ICE1: variants seen among roughly 807,000 people sequenced by gnomAD.
ICE1 encodes little elongation complex subunit 1.
ICE1 carries 64 observed loss-of-function variants against 192.7 expected under a neutral mutation model. The observed-to-expected ratio is 0.33, with a 90% CI of 0.27 to 0.41. The LOEUF is 0.41. Among genes scored for constraint, ICE1 ranks in the 10% least tolerant of loss-of-function variants. ICE1 has a pLI of 1.00. For missense variants in ICE1, 2,708 were observed against 2,696.0 expected (o/e 1.00, Z -0.10); for synonymous variants, 1,010 against 984.5 (o/e 1.03, Z -0.49).
Position 5,462,347 on chromosome 5 carries a change from G to A in ICE1, c.3013G>A (p.Ala1005Thr), listed in dbSNP as rs763400046. 4 of 1,614,036 alleles carry A rather than the reference G, an allele frequency of 2.5e-6. No homozygotes were observed. The highest frequency in any genetic ancestry group is 3.3e-5 in the Admixed American group (2 of 60,034). The part of the protein sequence containing the change: ...SGTHGSEMLP[A>T]TEVTVSGGFS... Reference sequence around the variant, plus strand: ...GACACATGGCAGTGAGATGCTTCCAGCCACAGAAGTGACTGTGTCAGGAGG... The same window carrying A: ...GACACATGGCAGTGAGATGCTTCCAACCACAGAAGTGACTGTGTCAGGAGG... Residue 1005 changes from alanine (A) to threonine (T), a missense_variant, in exon 13 of 19, where the codon GCC becomes ACC. Physicochemically the swap from Ala to Thr is moderately conservative, Grantham distance 58 (BLOSUM62 0). Coordinates refer to ENST00000296564, the MANE Select transcript of ICE1 (RefSeq NM_015325.3).
rs772425245 is a variant in ICE1, at chr5:5,461,455, C to T, written c.2121C>T (p.Ser707=). 64 of 1,613,836 alleles carry T rather than the reference C, an allele frequency of 4.0e-5. No individual in the cohort carries two copies. The highest frequency in any genetic ancestry group is 3.6e-5 in the Non-Finnish European group (43 of 1,179,894). The part of the protein sequence containing the change: ...NNLENSLCAL[S]PELGASNFND... ...TGGAGAATAGCTTGTGTGCCTTGAGCCCTGAATTGGGAGCATCTAATTTTA... is the reference window on the plus strand; with the variant it reads ...TGGAGAATAGCTTGTGTGCCTTGAGTCCTGAATTGGGAGCATCTAATTTTA... The change falls in exon 13 of 19, where the codon AGC becomes AGT. Residue 707 remains serine (S), a synonymous_variant. Transcript: ENST00000296564.
rs1216572004 is a variant in ICE1 at position 5,477,028 on chromosome 5, T to C, written c.6520+949T>C. 3.9e-5 allele frequency among the ~76,000 whole-genome samples: 6 copies of C among 152,316 alleles called. No individual in the cohort carries two copies. The East Asian group carries it at 1.2e-3, about 29-fold the overall frequency. On this transcript the variant is annotated intron_variant, in intron 17 of 18. Coordinates refer to ENST00000296564, the MANE Select transcript of ICE1 (RefSeq NM_015325.3). ...TGCTACAAATCGTTAGTTTTTATTT[T>C]TACTTATCTCCTATGAATCTTTATT...
rs769115570 is a variant in ICE1, at chr5:5,461,963, C to T, written c.2629C>T (p.His877Tyr). 6.2e-7 allele frequency: 1 copy of T among 1,613,930 alleles called. No homozygotes were observed. Residue 877 changes from histidine (H) to tyrosine (Y), a missense_variant, in exon 13 of 19, where the codon CAC becomes TAC. By Grantham distance (83) the His-to-Tyr change is moderately conservative (BLOSUM62 2). Transcript: ENST00000296564. Reference protein sequence around the residue: ...PEKVQSAKLEHLRPHRVEPTL... With the variant: ...PEKVQSAKLEYLRPHRVEPTL... Reference sequence around the variant, plus strand: ...AAAGGTTCAGAGTGCCAAATTGGAACACTTGAGGCCACATAGGGTTGAGCC... The same window carrying T: ...AAAGGTTCAGAGTGCCAAATTGGAATACTTGAGGCCACATAGGGTTGAGCC...
In ICE1 at chr5:5,468,908, A is replaced by G. The variant is rs1169073105; in HGVS notation, c.6142A>G (p.Lys2048Glu). Reference protein sequence around the residue: ...DIFLSQSVINKAMQLVARQRA... With the variant: ...DIFLSQSVINEAMQLVARQRA... ...ATTTCTCTCTCAATCGGTGATTAAT[A>G]AAGCAATGCAGTTAGTTGCCAGGCA... The change falls in exon 15 of 19, where the codon AAA (lysine) becomes GAA (glutamate). Residue 2048 changes from lysine to glutamate, a missense_variant. Transcript: ENST00000296564. 2.5e-6 allele frequency: 4 copies of G among 1,607,488 alleles called. No individual in the cohort carries two copies. Among genetic ancestry groups the G allele is most frequent in the Non-Finnish European group, 3.4e-6 (4 of 1,177,290 alleles).
Position 5,435,657 on chromosome 5 carries a change from GTTT to G in ICE1, c.85-748_85-746del, listed in dbSNP as rs869296400. ...AGCGGTAATTTAGAGCCAAATTTGT[GTTT>G]TTTTTTTTTTTTGTTTTGTTTTTGT... is the stretch of plus-strand genomic sequence containing the variant. On this transcript the variant is annotated intron_variant, in intron 1 of 18. Transcript: ENST00000296564. Among the ~76,000 whole-genome samples, 777 of 114,276 alleles carry G rather than the reference GTTT, an allele frequency of 6.8e-3. 7 individuals carry two copies. Among genetic ancestry groups the G allele is most frequent in the East Asian group, 0.034 (131 of 3,864 alleles). 75.0% of individuals were successfully genotyped at this position (114,276 alleles called of 152,430 possible). A position where few individuals can be genotyped will look rare whatever the true frequency, so the allele number is the denominator to read the frequency against.
intron 11 of ICE1, 78 bp from the exon 12 acceptor site, chr5:5,457,254 G>GTTTC: frequency 7.4e-7 from 1 of 1,348,958 alleles, no homozygotes; most frequent in Non-Finnish European, 9.9e-7. Context: ...TTGTAATAAG[G>GTTTC]TTTCTTTCTT....
Position 5,448,490 on chromosome 5 carries a change from C to T in ICE1, c.604+593C>T, listed in dbSNP as rs868090219. On this transcript the variant is annotated intron_variant, in intron 10 of 18. Transcript: ENST00000296564. ...AATGAGAATTTTCACTTCCATCCTT[C>T]CATTTGTTGTGTGACTCTGCCATTT... 3.3e-5 allele frequency among the ~76,000 whole-genome samples: 5 copies of T among 152,134 alleles called. No homozygotes were observed. The South Asian group carries it at 8.3e-4, about 25-fold the overall frequency.
intron 10 of ICE1, among the ~76,000 whole-genome samples, chr5:5,448,373 C>T (rs13358701): frequency 0.057 from 8,659 of 152,054 alleles, 805 homozygotes; most frequent in African/African-American, 0.2. Context: ...GTGGTGGTCA[C>T]GGAACAAGGG....
At chr5:5,435,684 G>GTT (rs907007879) in intron 1 of ICE1, among the ~76,000 whole-genome samples, 4 of 116,630 alleles carry the variant, frequency 3.4e-5, no homozygotes, top group Non-Finnish European at 5.3e-5. Context: ...TTTTGTTTTT[G>GTT]TTTTTTTTTT....
intron 1 of ICE1, among the ~76,000 whole-genome samples, chr5:5,435,665 T>TG (rs1423578172): frequency 8.3e-6 from 1 of 120,768 alleles, no homozygotes; most frequent in African/African-American, 3.3e-5. Context: ...GTGTTTTTTT[T>TG]TTTTTTTGTT....
chr5:5,474,358 G>A (rs1739253030), intron 16 of ICE1, among the ~76,000 whole-genome samples: 1 of 152,168 alleles, frequency 6.6e-6, no homozygotes, highest in South Asian at 2.1e-4. Context: ...GGCGGAGGGT[G>A]GCCTTGGTTG....
At chr5:5,442,420 A>G (rs1002772683) in intron 5 of ICE1, among the ~76,000 whole-genome samples, 10 of 152,234 alleles carry the variant, frequency 6.6e-5, no homozygotes, top group African/African-American at 1.4e-4. Context: ...ATGTATAACT[A>G]TGCTGTCAAA....
chr5:5,423,623 T>A (rs1316449190), intron 1 of ICE1, among the ~76,000 whole-genome samples: 2 of 152,214 alleles, frequency 1.3e-5, no homozygotes, highest in African/African-American at 2.4e-5. Context: ...CGGCGTGGGC[T>A]CTTCTTTAGA....
At chr5:5,450,680 T>C (rs557535241) in intron 10 of ICE1, among the ~76,000 whole-genome samples, 1 of 152,296 alleles carries the variant, frequency 6.6e-6, no homozygotes, top group Non-Finnish European at 1.5e-5. Context: ...GAGGGATGGA[T>C]AAAAATATTC....
chr5:5,460,669 C>G lies in ICE1; in HGVS notation c.1335C>G (p.Phe445Leu), dbSNP rs768392308. ...NKVTTSGLET[F>L]TATLRESSAT... The stretch of plus-strand genomic sequence containing the variant: ...TGACAACTTCTGGACTCGAGACTTT[C>G]ACAGCAACACTGAGAGAATCTTCTG... Residue 445 changes from phenylalanine (F) to leucine (L), a missense_variant, in exon 13 of 19, where the codon TTC (phenylalanine) becomes TTG (leucine). Physicochemically the swap from Phe to Leu is conservative, Grantham distance 22. Transcript: ENST00000296564. 2.0e-5 allele frequency: 33 copies of G among 1,613,830 alleles called. No individual in the cohort carries two copies. In the Admixed American group the frequency reaches 4.2e-4, roughly 20 times the overall value.
intron 11 of ICE1, among the ~76,000 whole-genome samples, chr5:5,456,374 A>G (rs1738580228): frequency 6.6e-6 from 1 of 152,202 alleles, no homozygotes; most frequent in African/African-American, 2.4e-5. Context: ...TTTGCCAAAT[A>G]GTGATTTTTT....
Position 5,454,540 on chromosome 5 carries a change from T to C in ICE1, c.605-12T>C. On this transcript the variant is annotated splice_polypyrimidine_tract_variant and intron_variant, in intron 10 of 18. Coordinates refer to ENST00000296564, the MANE Select transcript of ICE1 (RefSeq NM_015325.3). ...AAATGACGTGACTTTAATGCTTTGCTCTGTTTCACAGGAAAAGTGAAACTG... is the reference window on the plus strand; with the variant it reads ...AAATGACGTGACTTTAATGCTTTGCCCTGTTTCACAGGAAAAGTGAAACTG... 1.2e-6 allele frequency: 2 copies of C among 1,605,440 alleles called. No individual in the cohort carries two copies. The highest frequency in any genetic ancestry group is 1.7e-6 in the Non-Finnish European group (2 of 1,172,772).
chr5:5,442,968 T>C (rs1738092446), intron 5 of ICE1, among the ~76,000 whole-genome samples, 200 bp from the exon 6 acceptor site: 1 of 152,188 alleles, frequency 6.6e-6, no homozygotes, highest in South Asian at 2.1e-4. Flanking sequence ...TTTTTAAGTT[T>C]TATAGTTTTT....
At chr5:5,427,860 C>G (rs1378548559) in intron 1 of ICE1, among the ~76,000 whole-genome samples, 1 of 152,046 alleles carries the variant, frequency 6.6e-6, no homozygotes, top group Non-Finnish European at 1.5e-5. Context: ...AGAAAAGCAA[C>G]CACAGTATAG....
Sources: allele counts gnomAD v4.1 joint callset (sites outside exome capture counted in the v4.1 genomes callset), GRCh38; gene constraint gnomAD v4.1.1; transcripts MANE v1.5; gene names NCBI Gene and HGNC (gene_info 2026-07-23, HGNC 2026-07-21).